KLHL14: variants seen among roughly 807,000 people sequenced by gnomAD.
The protein encoded by KLHL14 is kelch like family member 14.
In KLHL14, 22 loss-of-function variants were observed where a neutral mutation model predicts 64.3. The ratio of observed to expected loss-of-function variants is 0.34; its 90% CI spans 0.24 to 0.49. The LOEUF (loss-of-function observed/expected upper bound fraction) is 0.49. KLHL14 is among the 20% of genes least tolerant of loss of function. The pLI, the probability that KLHL14 is intolerant of heterozygous loss-of-function variation, is 0.99. For synonymous variants in KLHL14, 322 were observed against 333.4 expected, an observed-to-expected ratio of 0.97 and a Z score of 0.37; for missense variants, 661 against 789.0, an observed-to-expected ratio of 0.84 and a Z score of 1.94.
chr18:32,706,361 G>A (rs1330234581), intron 3 of KLHL14, among the ~76,000 whole-genome samples: 1 of 152,194 alleles, frequency 6.6e-6, no homozygotes, highest in Non-Finnish European at 1.5e-5. Context: ...CTGCAATCTT[G>A]ATTGCTGGGA....
chr18:32,761,307 T>A (rs1051044214), intron 2 of KLHL14, among the ~76,000 whole-genome samples: 2 of 152,106 alleles, frequency 1.3e-5, no homozygotes, highest in Non-Finnish European at 2.9e-5. Flanking sequence ...TTAAAATGTA[T>A]CTATGCAGTA....
intron 2 of KLHL14, among the ~76,000 whole-genome samples, chr18:32,751,562 G>GA (rs1472221472): frequency 2.0e-5 from 3 of 152,188 alleles, no homozygotes; most frequent in African/African-American, 7.2e-5. Context: ...AGGTGTGGCT[G>GA]AAAATGCCTT....
chr18:32,732,548 G>A (rs538916877), intron 3 of KLHL14, among the ~76,000 whole-genome samples: 3 of 152,218 alleles, frequency 2.0e-5, no homozygotes, highest in Admixed American at 6.5e-5. Context: ...TTGCTGATAC[G>A]CCATGTTATT....
chr18:32,677,151 T>A, intron 8 of KLHL14, 22 bp downstream of exon 8: 1 of 1,601,656 alleles, frequency 6.2e-7, no homozygotes, highest in Non-Finnish European at 8.5e-7. Context: ...TAAAGGAGGA[T>A]GCAGTAAATG....
chr18:32,677,182 G>A lies in KLHL14; in HGVS notation c.1737C>T (p.Ser579=), dbSNP rs1249840837. Residue 579 remains serine (S), a synonymous_variant, in exon 8 of 9, where the codon AGC becomes AGT. Transcript: ENST00000359358. ...DDSIYLVGGY[S]WSMGAYKSST... ...AAATGTGGACACATACCATACTCCAGCTGTAGCCTCCCACAAGGTAAATGC... is the reference window on the plus strand; with the variant it reads ...AAATGTGGACACATACCATACTCCAACTGTAGCCTCCCACAAGGTAAATGC... 1 of 1,612,114 alleles carries A rather than the reference G, an allele frequency of 6.2e-7. No homozygotes were observed. Among genetic ancestry groups the A allele is most frequent in the South Asian group, 1.1e-5 (1 of 90,698 alleles).
At chr18:32,718,289 C>T (rs1033080187) in intron 3 of KLHL14, among the ~76,000 whole-genome samples, 6 of 152,144 alleles carry the variant, frequency 3.9e-5, no homozygotes, top group Non-Finnish European at 7.3e-5. Flanking sequence ...TTCAGGAGTT[C>T]GCCAACTCTG....
Position 32,708,896 on chromosome 18 carries a change from C to G in KLHL14, c.1070-13344G>C, listed in dbSNP as rs1490003959. ...TTTTGTTTCTTAGTCATTCTTAGGCCAGTACTGCCCTGCCCTCCTGGTCAT... is the reference window on the plus strand; with the variant it reads ...TTTTGTTTCTTAGTCATTCTTAGGCGAGTACTGCCCTGCCCTCCTGGTCAT... On this transcript the variant is annotated intron_variant, in intron 3 of 8. Coordinates refer to ENST00000359358, the MANE Select transcript of KLHL14 (RefSeq NM_020805.3). 2.6e-5 allele frequency among the ~76,000 whole-genome samples: 4 copies of G among 152,250 alleles called. 2 individuals carry two copies. In the East Asian group the frequency reaches 7.7e-4, roughly 29 times the overall value.
intron 8 of KLHL14, among the ~76,000 whole-genome samples, chr18:32,675,073 G>C (rs1331108431): frequency 6.6e-6 from 1 of 152,090 alleles, no homozygotes. Flanking sequence ...ATCCTAAATT[G>C]GCTGGGCCCA....
At chr18:32,760,165 CCA>C (rs2050306333) in intron 2 of KLHL14, among the ~76,000 whole-genome samples, 1 of 152,112 alleles carries the variant, frequency 6.6e-6, no homozygotes. Flanking sequence ...AATTGACCCT[CCA>C]GCCTAATAAT....
chr18:32,676,223 A>T (rs1441389668), intron 8 of KLHL14, among the ~76,000 whole-genome samples: 1 of 152,186 alleles, frequency 6.6e-6, no homozygotes, highest in Non-Finnish European at 1.5e-5. Flanking sequence ...AAATATGCAG[A>T]TGGAGGACTA....
Position 32,772,890 on chromosome 18 carries a change from A to G in KLHL14, c.-267T>C, listed in dbSNP as rs1239447424. Reference sequence around the variant, plus strand: ...GGAGAGGGAGAAAAGAGAGAAAGAGAGAGGGAGAGAGAGAGGGAGCAGAGC... The same window carrying G: ...GGAGAGGGAGAAAAGAGAGAAAGAGGGAGGGAGAGAGAGAGGGAGCAGAGC... On this transcript the variant is annotated 5_prime_UTR_variant, in exon 1 of 9. Transcript: ENST00000359358. The G allele has an allele frequency of 6.3e-6, 1 of 157,664 alleles. No individual in the cohort carries two copies. Among genetic ancestry groups the G allele is most frequent in the African/African-American group, 2.4e-5 (1 of 41,582 alleles). The allele number at this position is 157,664 out of a possible 1,614,324, so 9.8% of individuals were successfully genotyped here. A position where few individuals can be genotyped will look rare whatever the true frequency, so the allele number is the denominator to read the frequency against.
chr18:32,689,569 G>A (rs780200635), intron 4 of KLHL14, among the ~76,000 whole-genome samples: 59 of 152,260 alleles, frequency 3.9e-4, no homozygotes, highest in Middle Eastern at 6.8e-3. Context: ...GGAGGTAAGA[G>A]GATAGGCACT....
rs758957935 is a variant in KLHL14, at chr18:32,680,180, T to G, written c.1577A>C (p.Asn526Thr). ...AACAAAAAAAAGACCTTTCAAATGA[T>G]TTCCTCCAATTGCATACAAGCGATC... The part of the protein sequence containing the change: ...MNDRLYAIGG[N>T]HLKGFSHLDV... The change falls in exon 7 of 9, where the codon AAT becomes ACT. Residue 526 changes from asparagine (N) to threonine (T), a missense_variant. By Grantham distance (65) the Asn-to-Thr change is moderately conservative. This residue lies in a region of KLHL14 where 330 missense variants were observed against 450.0 expected (regional missense o/e 0.73). Coordinates refer to ENST00000359358, the MANE Select transcript of KLHL14 (RefSeq NM_020805.3). The surrounding 1 kb of genome is among the most constrained non-coding windows in gnomAD (Gnocchi z 4.8). The G allele has an allele frequency of 6.2e-7, 1 of 1,613,304 alleles. No individual in the cohort carries two copies. Among genetic ancestry groups the G allele is most frequent in the Non-Finnish European group, 8.5e-7 (1 of 1,179,542 alleles).
chr18:32,693,831 A>C (rs2049923835), intron 4 of KLHL14, among the ~76,000 whole-genome samples: 1 of 152,226 alleles, frequency 6.6e-6, no homozygotes, highest in Non-Finnish European at 1.5e-5. Flanking sequence ...GGGAGTCTGA[A>C]TTAGTTCAAA....
chr18:32,684,857 T>C (rs2049868440), intron 5 of KLHL14, among the ~76,000 whole-genome samples: 1 of 152,180 alleles, frequency 6.6e-6, no homozygotes. Flanking sequence ...GTACTTGCTA[T>C]TTTGAATGGA....
At chr18:32,699,179 G>A (rs1405075029) in intron 3 of KLHL14, among the ~76,000 whole-genome samples, 1 of 152,034 alleles carries the variant, frequency 6.6e-6, no homozygotes, top group East Asian at 1.9e-4. Flanking sequence ...GGTCTTTGTG[G>A]ATGGGAAAAA....
At chr18:32,732,445 T>G (rs533653224) in intron 3 of KLHL14, among the ~76,000 whole-genome samples, 2 of 152,330 alleles carry the variant, frequency 1.3e-5, no homozygotes, top group East Asian at 3.9e-4. Flanking sequence ...CATTAGGGGC[T>G]AGTAAATATT....
intron 4 of KLHL14, among the ~76,000 whole-genome samples, chr18:32,692,442 A>C (rs574696601): frequency 5.9e-5 from 9 of 152,312 alleles, no homozygotes; most frequent in Admixed American, 4.6e-4. Flanking sequence ...CAATGATATT[A>C]AAGCATGTTA....
intron 3 of KLHL14, among the ~76,000 whole-genome samples, chr18:32,730,432 G>C (rs2050131793): frequency 6.6e-6 from 1 of 152,186 alleles, no homozygotes; most frequent in Admixed American, 6.5e-5. Flanking sequence ...CAGGTAGGAA[G>C]AAATTTAATT....
Sources: gnomAD v4.1 joint callset for allele counts (sites outside exome capture counted in the v4.1 genomes callset) on GRCh38, gnomAD v4.1.1 for gene constraint, gnomAD v4.1.1 regional missense constraint, Gnocchi (gnomAD v3.1) non-coding constraint, MANE v1.5 for transcripts, NCBI Gene and HGNC (gene_info 2026-07-23, HGNC 2026-07-21) for gene names.